The following ADARB1 variants were observed in gnomAD, a reference collection of about 807,000 sequenced individuals.
ADARB1 encodes the protein double-stranded RNA-specific editase 1.
In ADARB1, 10 loss-of-function variants were observed where a neutral mutation model predicts 52.4. The ratio of observed to expected loss-of-function variants is 0.19; its 90% confidence interval spans 0.12 to 0.32. The LOEUF is 0.32. Ranked by LOEUF, ADARB1 falls within the 10% of genes least tolerant of loss-of-function variation. The pLI, the probability that ADARB1 is intolerant of heterozygous loss-of-function variation, is 1.00. For synonymous variants in ADARB1, 349 were observed against 371.1 expected, an observed-to-expected ratio of 0.94 and a Z score of 0.68; for missense variants, 643 against 922.3, an observed-to-expected ratio of 0.70 and a Z score of 3.92.
intron 8 of ADARB1, among the ~76,000 whole-genome samples, chr21:45,193,613 A>G (rs540306400): frequency 6.6e-6 from 1 of 152,394 alleles, no homozygotes; most frequent in South Asian, 2.1e-4. Flanking sequence ...ATTTGCAGAC[A>G]TACTTATCTA....
At chr21:45,131,516 G>A (rs1008125814) in intron 2 of ADARB1, among the ~76,000 whole-genome samples, 1 of 152,140 alleles carries the variant, frequency 6.6e-6, no homozygotes, top group African/African-American at 2.4e-5. Context: ...CCTTGTTTCC[G>A]GGGTGGCCCT....
chr21:45,107,118 C>G (rs1050083625), intron 1 of ADARB1, among the ~76,000 whole-genome samples: 1 of 152,024 alleles, frequency 6.6e-6, no homozygotes, highest in Non-Finnish European at 1.5e-5. Flanking sequence ...GAAGAGACAA[C>G]CCCATTAACA....
intron 1 of ADARB1, among the ~76,000 whole-genome samples, chr21:45,085,510 C>T (rs2123653183): frequency 6.6e-6 from 1 of 152,278 alleles, no homozygotes; most frequent in Non-Finnish European, 1.5e-5. Flanking sequence ...ACGTCTACTC[C>T]ATTCTCGATA....
intron 1 of ADARB1, among the ~76,000 whole-genome samples, chr21:45,111,135 A>C (rs996229415): frequency 6.6e-6 from 1 of 152,146 alleles, no homozygotes; most frequent in Non-Finnish European, 1.5e-5. Flanking sequence ...CCTTCCACCC[A>C]GGCCAGCACA....
intron 1 of ADARB1, among the ~76,000 whole-genome samples, chr21:45,085,970 T>C (rs1231768761): frequency 6.6e-6 from 1 of 152,230 alleles, no homozygotes; most frequent in African/African-American, 2.4e-5. Flanking sequence ...AAGTGCCTGA[T>C]AGATTTTAGT....
chr21:45,142,319 CA>C lies in ADARB1; in HGVS notation c.-48+13747del, dbSNP rs1172328006. Among the ~76,000 whole-genome samples the C allele has an allele frequency of 6.6e-6, 1 of 152,160 alleles. No individual in the cohort carries two copies. Among genetic ancestry groups the C allele is most frequent in the Non-Finnish European group, 1.5e-5 (1 of 68,034 alleles). ...TTAACCCTAAGTTGCATGGTAAAGT[CA>C]CCTTTAAAGCCAATGGAAAAAGCTT... On this transcript the variant is annotated intron_variant, in intron 2 of 10. Coordinates refer to ENST00000348831, the MANE Select transcript of ADARB1 (RefSeq NM_001112.4). This position sits in a 1 kb window ranked among gnomAD's most constrained non-coding sequence, Gnocchi z 4.0.
chr21:45,219,126 G>A (rs984529946), intron 9 of ADARB1, among the ~76,000 whole-genome samples: 2 of 152,112 alleles, frequency 1.3e-5, no homozygotes, highest in Non-Finnish European at 2.9e-5. Flanking sequence ...AAAGTTAAAA[G>A]ATAAAAAAAT....
In ADARB1 at chr21:45,176,254, A is replaced by G. The variant is rs749864513; in HGVS notation, c.553A>G (p.Lys185Glu). The G allele has an allele frequency of 6.2e-6, 10 of 1,614,156 alleles. No homozygotes were observed. The highest frequency in any genetic ancestry group is 8.5e-6 in the Non-Finnish European group (10 of 1,180,016). The part of the protein sequence containing the change: ...TLFNGFETPD[K>E]AEPPFYVGSN... ...CTTCAATGGTTTTGAAACTCCTGAC[A>G]AGGCGGAGCCTCCCTTTTACGTGGG... Residue 185 changes from lysine (K) to glutamate (E), a missense_variant, in exon 4 of 11, where the codon AAG becomes GAG. Lys to Glu is a moderately conservative substitution (Grantham distance 56). Coordinates refer to ENST00000348831, the MANE Select transcript of ADARB1 (RefSeq NM_001112.4). This position sits in a 1 kb window ranked among gnomAD's most constrained non-coding sequence, Gnocchi z 5.8.
rs2092635172 is a variant in ADARB1, at chr21:45,204,843, AG to A, written c.1747+108del. 8.3e-7 allele frequency: 1 copy of A among 1,205,002 alleles called. No individual in the cohort carries two copies. The highest frequency in any genetic ancestry group is 2.5e-5 in the East Asian group (1 of 39,278). The allele number at this position is 1,205,002 out of a possible 1,614,324, so 74.6% of individuals were successfully genotyped here. Reference sequence around the variant, plus strand: ...CCTGAGCTGCTCTGTGGCTATCAAAAGAACATCAGAGTCCTTCTAAAGAGAC... The same window carrying A: ...CCTGAGCTGCTCTGTGGCTATCAAAAAACATCAGAGTCCTTCTAAAGAGAC... On this transcript the variant is annotated intron_variant, in intron 9 of 10. Coordinates refer to ENST00000348831, the MANE Select transcript of ADARB1 (RefSeq NM_001112.4). This position sits in a 1 kb window ranked among gnomAD's most constrained non-coding sequence, Gnocchi z 4.4.
intron 1 of ADARB1, among the ~76,000 whole-genome samples, chr21:45,097,645 G>T (rs532190392): frequency 2.6e-5 from 4 of 152,156 alleles, no homozygotes; most frequent in Non-Finnish European, 5.9e-5. Flanking sequence ...TGGCCATGTG[G>T]CAAGGTGGAA....
intron 2 of ADARB1, among the ~76,000 whole-genome samples, chr21:45,138,362 G>A (rs527466419): frequency 6.6e-5 from 10 of 152,140 alleles, no homozygotes; most frequent in African/African-American, 9.7e-5. Flanking sequence ...ATGTATATAC[G>A]CACTTCTTAT....
intron 2 of ADARB1, among the ~76,000 whole-genome samples, chr21:45,149,753 C>G (rs2090188297): frequency 6.6e-6 from 1 of 152,206 alleles, no homozygotes; most frequent in African/African-American, 2.4e-5. Flanking sequence ...AATGACTAAT[C>G]ATGTTTTATA....
rs560624163 is a variant in ADARB1 at position 45,077,388 on chromosome 21, G to A, written c.-220+2595G>A. Among the ~76,000 whole-genome samples the A allele has an allele frequency of 5.4e-4, 83 of 152,308 alleles. 1 individual carries two copies. Among genetic ancestry groups the A allele is most frequent in the African/African-American group, 1.8e-3 (75 of 41,564 alleles). ...TTTATTAGAAAACTCAATGGTGGCC[G>A]GGCGCGGTGGCTCACGCCTGTAATC... On this transcript the variant is annotated intron_variant, in intron 1 of 10. Transcript: ENST00000348831.
At chr21:45,151,691 G>A (rs2090299245) in intron 2 of ADARB1, among the ~76,000 whole-genome samples, 1 of 152,206 alleles carries the variant, frequency 6.6e-6, no homozygotes, top group Admixed American at 6.5e-5. Flanking sequence ...GCTGAGGGCT[G>A]TGGGTTCTGC....
At chr21:45,217,322 T>A (rs890085504) in intron 9 of ADARB1, among the ~76,000 whole-genome samples, 4 of 152,108 alleles carry the variant, frequency 2.6e-5, no homozygotes, top group African/African-American at 9.7e-5. Context: ...TAATTGGGTG[T>A]GTTTGATGAT....
At chr21:45,180,234 G>A in intron 4 of ADARB1, 96 bp from the exon 5 acceptor site, 1 of 836,916 alleles carries the variant, frequency 1.2e-6, no homozygotes, top group Non-Finnish European at 2.0e-6. Flanking sequence ...AGCAGCCTGT[G>A]TCACTCCATA....
intron 2 of ADARB1, among the ~76,000 whole-genome samples, chr21:45,170,905 C>T (rs1461790554): frequency 1.3e-5 from 2 of 152,160 alleles, no homozygotes; most frequent in Non-Finnish European, 2.9e-5. Flanking sequence ...CCTGTGGTTT[C>T]TCCTGCCAAC....
intron 8 of ADARB1, among the ~76,000 whole-genome samples, chr21:45,203,240 C>A (rs2092598138): frequency 2.6e-5 from 4 of 152,320 alleles, no homozygotes; most frequent in African/African-American, 9.6e-5. Context: ...TGTCCTGTGT[C>A]CCCTGCCCCC....
At chr21:45,203,917 T>TAA (rs2092614842) in intron 8 of ADARB1, among the ~76,000 whole-genome samples, 2 of 152,208 alleles carry the variant, frequency 1.3e-5, no homozygotes, top group Admixed American at 6.5e-5. Flanking sequence ...AGTACCTTCC[T>TAA]ATATAAAGTT....
Sources: allele counts gnomAD v4.1 joint callset (sites outside exome capture counted in the v4.1 genomes callset), GRCh38; gene constraint gnomAD v4.1.1; non-coding constraint Gnocchi (gnomAD v3.1); transcripts MANE v1.5; gene names NCBI Gene and HGNC (gene_info 2026-07-23, HGNC 2026-07-21).